LCN9: variants seen among roughly 807,000 people sequenced by gnomAD.
LCN9 encodes lipocalin 9, also known as epididymal-specific lipocalin-9.
A neutral mutation model predicts 18.5 loss-of-function variants in LCN9; 22 were observed. The ratio of observed to expected loss-of-function variants is 1.19; its 90% CI spans 0.85 to 1.70. LCN9 has a LOEUF of 1.70. Among genes scored for constraint, LCN9 ranks in the 40% most tolerant of loss-of-function variants. The pLI, the probability that LCN9 is intolerant of heterozygous loss-of-function variation, is 0.00. For missense variants in LCN9, 202 were observed against 201.3 expected (o/e 1.00, Z -0.02); for synonymous variants, 89 against 83.0 (o/e 1.07, Z -0.39).
In LCN9 at chr9:135,664,665, A is replaced by G; in HGVS notation, c.234-57A>G. 2 of 1,458,570 alleles carry G rather than the reference A, an allele frequency of 1.4e-6. No homozygotes were observed. Among genetic ancestry groups the G allele is most frequent in the Non-Finnish European group, 1.8e-6 (2 of 1,081,300 alleles). 90.4% of individuals were successfully genotyped at this position (1,458,570 alleles called of 1,614,324 possible). A position where few individuals can be genotyped will look rare whatever the true frequency, so the allele number is the denominator to read the frequency against. On this transcript the variant is annotated intron_variant, in intron 2 of 5. Transcript: ENST00000619315. The surrounding 1 kb of genome is among the most constrained non-coding windows in gnomAD (Gnocchi z 4.5). ...CCCTGGAGGAGGGGTGCTCTCTGCCATCGCACGTCCAGGGGGCTGGAGCTC... is the reference window on the plus strand; with the variant it reads ...CCCTGGAGGAGGGGTGCTCTCTGCCGTCGCACGTCCAGGGGGCTGGAGCTC...
Position 135,665,813 on chromosome 9 carries a change from C to T in LCN9, c.*10-48C>T, listed in dbSNP as rs1220345747. On this transcript the variant is annotated intron_variant, in intron 5 of 5. Coordinates refer to ENST00000619315, the Ensembl canonical transcript of LCN9. This position sits in a 1 kb window ranked among gnomAD's most constrained non-coding sequence, Gnocchi z 5.9. The stretch of plus-strand genomic sequence containing the variant: ...GGACAGGGTGGGGATGGGAGGTGTG[C>T]CTGCGGGGTCCCTGTCCCTGCGCTG... 1.2e-6 allele frequency: 2 copies of T among 1,611,730 alleles called. No homozygotes were observed. The highest frequency in any genetic ancestry group is 1.1e-5 in the South Asian group (1 of 90,600).
chr9:135,664,299 G>A lies in LCN9; in HGVS notation c.233+1G>A. 1 of 1,613,798 alleles carries A rather than the reference G, an allele frequency of 6.2e-7. No individual in the cohort carries two copies. Among genetic ancestry groups the A allele is most frequent in the Non-Finnish European group, 8.5e-7 (1 of 1,179,808 alleles). On this transcript the variant is annotated splice_donor_variant, in intron 2 of 5. Transcript: ENST00000619315. LOFTEE classifies it high-confidence loss of function. The surrounding 1 kb of genome is among the most constrained non-coding windows in gnomAD (Gnocchi z 4.5). ...GCCTAATATTTGATTTCGAATACAT[G>A]TGCGTGTTGCCCATCTCAGCTGGCA...
Position 135,665,954 on chromosome 9 carries a change from T to C in LCN9, c.*103T>C, listed in dbSNP as rs1036215821. 1.2e-6 allele frequency: 2 copies of C among 1,602,592 alleles called. No homozygotes were observed. The highest frequency in any genetic ancestry group is 2.7e-5 in the African/African-American group (2 of 74,826). On this transcript the variant is annotated 3_prime_UTR_variant, in exon 6 of 6. Coordinates refer to ENST00000619315, the Ensembl canonical transcript of LCN9. This position sits in a 1 kb window ranked among gnomAD's most constrained non-coding sequence, Gnocchi z 5.9. The stretch of plus-strand genomic sequence containing the variant: ...GGCAGGGGGCTGGATGGGGAGAGCT[T>C]GGGGCCAACGTCAGAGGCTGCGGGG...
Position 135,665,650 on chromosome 9 carries a change from G to T in LCN9, c.419-38G>T. 1 of 1,591,200 alleles carries T rather than the reference G, an allele frequency of 6.3e-7. No individual in the cohort carries two copies. Among genetic ancestry groups the T allele is most frequent in the Non-Finnish European group, 8.6e-7 (1 of 1,166,130 alleles). On this transcript the variant is annotated intron_variant, in intron 4 of 5. Coordinates refer to ENST00000619315, the Ensembl canonical transcript of LCN9. The surrounding 1 kb of genome is among the most constrained non-coding windows in gnomAD (Gnocchi z 5.9). ...TCACACAGAACCAACTCTGTTCCCA[G>T]CACGGGTCCCATAGCTGGAACCCTC...
Position 135,664,072 on chromosome 9 carries a change from G to A in LCN9, c.97-90G>A. The A allele has an allele frequency of 1.4e-6, 2 of 1,427,852 alleles. No homozygotes were observed. The highest frequency in any genetic ancestry group is 2.4e-5 in the East Asian group (1 of 41,054). The allele number at this position is 1,427,852 out of a possible 1,614,324, so 88.4% of individuals were successfully genotyped here. ...TTCTGGTTGGGAGCCAGATGCTAAG[G>A]GGCCGGGCCCTGGGAGGGAAGACTG... On this transcript the variant is annotated intron_variant, in intron 1 of 5. Coordinates refer to ENST00000619315, the Ensembl canonical transcript of LCN9. The surrounding 1 kb of genome is among the most constrained non-coding windows in gnomAD (Gnocchi z 4.5).
exon 6 of LCN9, chr9:135,666,186 G>A: frequency 1.3e-6 from 2 of 1,539,356 alleles, no homozygotes; most frequent in Non-Finnish European, 1.7e-6. Context: ...GGACAACCAG[G>A]ATTTACTTTC....
chr9:135,665,950 A>G lies in LCN9; in HGVS notation c.*99A>G, dbSNP rs867905243. 1 of 1,603,110 alleles carries G rather than the reference A, an allele frequency of 6.2e-7. No homozygotes were observed. Among genetic ancestry groups the G allele is most frequent in the African/African-American group, 1.3e-5 (1 of 74,902 alleles). On this transcript the variant is annotated 3_prime_UTR_variant, in exon 6 of 6. Coordinates refer to ENST00000619315, the Ensembl canonical transcript of LCN9. The surrounding 1 kb of genome is among the most constrained non-coding windows in gnomAD (Gnocchi z 5.9). The stretch of plus-strand genomic sequence containing the variant: ...GACGGGCAGGGGGCTGGATGGGGAG[A>G]GCTTGGGGCCAACGTCAGAGGCTGC...
At position 135,664,406 on chromosome 9, in the gene LCN9, T is replaced by A; in HGVS notation, c.233+108T>A. 7.1e-7 allele frequency: 1 copy of A among 1,410,876 alleles called. No individual in the cohort carries two copies. Among genetic ancestry groups the A allele is most frequent in the Non-Finnish European group, 9.8e-7 (1 of 1,016,876 alleles). The allele number at this position is 1,410,876 out of a possible 1,614,324, so 87.4% of individuals were successfully genotyped here. On this transcript the variant is annotated intron_variant, in intron 2 of 5. Transcript: ENST00000619315. This position sits in a 1 kb window ranked among gnomAD's most constrained non-coding sequence, Gnocchi z 4.5. ...CGCTCGCACACTCACTGACTTGCAC[T>A]CTGGTGAGAGCCTGAGCCTGTGCGT...
chr9:135,663,407 A>T, exon 1 of LCN9: 2 of 1,613,824 alleles, frequency 1.2e-6, no homozygotes, highest in Non-Finnish European at 8.5e-7. Context: ...AGGAACTACA[A>T]CGTGGCCAGG....
chr9:135,665,588 C>A lies in LCN9; in HGVS notation c.419-100C>A. On this transcript the variant is annotated intron_variant, in intron 4 of 5. Coordinates refer to ENST00000619315, the Ensembl canonical transcript of LCN9. This position sits in a 1 kb window ranked among gnomAD's most constrained non-coding sequence, Gnocchi z 5.9. ...GTCAGGGCGTGACCCCCTGCCCAGC[C>A]TCAGCACTTCCTGAGCACCCCCAGC... 1 of 1,224,572 alleles carries A rather than the reference C, an allele frequency of 8.2e-7. No individual in the cohort carries two copies. Among genetic ancestry groups the A allele is most frequent in the Non-Finnish European group, 1.2e-6 (1 of 856,880 alleles). 75.9% of individuals were successfully genotyped at this position (1,224,572 alleles called of 1,614,324 possible).
Position 135,665,917 on chromosome 9 carries a change from C to A in LCN9, c.*66C>A. 3.1e-6 allele frequency: 5 copies of A among 1,609,870 alleles called. No homozygotes were observed. The highest frequency in any genetic ancestry group is 4.2e-6 in the Non-Finnish European group (5 of 1,178,864). On this transcript the variant is annotated 3_prime_UTR_variant, in exon 6 of 6. Transcript: ENST00000619315. This position sits in a 1 kb window ranked among gnomAD's most constrained non-coding sequence, Gnocchi z 5.9. The stretch of plus-strand genomic sequence containing the variant: ...GCCCAGGCCTCCCATGCGTGAGCTG[C>A]GACTCGGGACGGGCAGGGGGCTGGA...
At position 135,665,458 on chromosome 9, in the gene LCN9, G is replaced by C. The variant is rs1244527331; in HGVS notation, c.418+103G>C. ...GGTCTCGCAGTGGCCCTGGGGTTTG[G>C]AGAGGTGGTTCCCGTTGGCTATTCC... On this transcript the variant is annotated intron_variant, in intron 4 of 5. Coordinates refer to ENST00000619315, the Ensembl canonical transcript of LCN9. The surrounding 1 kb of genome is among the most constrained non-coding windows in gnomAD (Gnocchi z 5.9). 2.3e-5 allele frequency: 23 copies of C among 1,017,344 alleles called. No individual in the cohort carries two copies. The highest frequency in any genetic ancestry group is 2.0e-5 in the Admixed American group (1 of 49,230). 63.0% of individuals were successfully genotyped at this position (1,017,344 alleles called of 1,614,324 possible). A position where few individuals can be genotyped will look rare whatever the true frequency, so the allele number is the denominator to read the frequency against.
At position 135,665,908 on chromosome 9, in the gene LCN9, C is replaced by A. The variant is rs763098064; in HGVS notation, c.*57C>A. ...CAGGAGCCCGCCCAGGCCTCCCATG[C>A]GTGAGCTGCGACTCGGGACGGGCAG... On this transcript the variant is annotated 3_prime_UTR_variant, in exon 6 of 6. Transcript: ENST00000619315. This position sits in a 1 kb window ranked among gnomAD's most constrained non-coding sequence, Gnocchi z 5.9. The A allele has an allele frequency of 6.8e-6, 11 of 1,611,324 alleles. No homozygotes were observed. Among genetic ancestry groups the A allele is most frequent in the Non-Finnish European group, 7.6e-6 (9 of 1,179,236 alleles).
chr9:135,664,065 T>C lies in LCN9; in HGVS notation c.97-97T>C. ...GGAGGGGTTCTGGTTGGGAGCCAGATGCTAAGGGGCCGGGCCCTGGGAGGG... is the reference window on the plus strand; with the variant it reads ...GGAGGGGTTCTGGTTGGGAGCCAGACGCTAAGGGGCCGGGCCCTGGGAGGG... On this transcript the variant is annotated intron_variant, in intron 1 of 5. Coordinates refer to ENST00000619315, the Ensembl canonical transcript of LCN9. The surrounding 1 kb of genome is among the most constrained non-coding windows in gnomAD (Gnocchi z 4.5). The C allele has an allele frequency of 7.4e-7, 1 of 1,357,938 alleles. No homozygotes were observed. The allele number at this position is 1,357,938 out of a possible 1,614,324, so 84.1% of individuals were successfully genotyped here. A position where few individuals can be genotyped will look rare whatever the true frequency, so the allele number is the denominator to read the frequency against.
Position 135,665,799 on chromosome 9 carries a change from G to C in LCN9, c.*9+47G>C. 2 of 1,612,150 alleles carry C rather than the reference G, an allele frequency of 1.2e-6. No individual in the cohort carries two copies. The highest frequency in any genetic ancestry group is 1.7e-6 in the Non-Finnish European group (2 of 1,179,142). On this transcript the variant is annotated intron_variant, in intron 5 of 5. Transcript: ENST00000619315. The surrounding 1 kb of genome is among the most constrained non-coding windows in gnomAD (Gnocchi z 5.9). ...CCAAGCGGGAGCCGGGACAGGGTGG[G>C]GATGGGAGGTGTGCCTGCGGGGTCC...
Position 135,665,856 on chromosome 9 carries a change from T to G in LCN9, c.*10-5T>G. Reference sequence around the variant, plus strand: ...CTGCGCTGAGAGCCCCCTCTGTCCTTCCAGATCCCTGCTACTCCAAGCATT... The same window carrying G: ...CTGCGCTGAGAGCCCCCTCTGTCCTGCCAGATCCCTGCTACTCCAAGCATT... On this transcript the variant is annotated splice_polypyrimidine_tract_variant and splice_region_variant and intron_variant, in intron 5 of 5. Transcript: ENST00000619315. This position sits in a 1 kb window ranked among gnomAD's most constrained non-coding sequence, Gnocchi z 5.9. 1 of 1,612,904 alleles carries G rather than the reference T, an allele frequency of 6.2e-7. No individual in the cohort carries two copies. The highest frequency in any genetic ancestry group is 8.5e-7 in the Non-Finnish European group (1 of 1,179,486).
At position 135,665,373 on chromosome 9, in the gene LCN9, C is replaced by T; in HGVS notation, c.418+18C>T. On this transcript the variant is annotated intron_variant, in intron 4 of 5. Coordinates refer to ENST00000619315, the Ensembl canonical transcript of LCN9. This position sits in a 1 kb window ranked among gnomAD's most constrained non-coding sequence, Gnocchi z 5.9. ...GCTCTATGGTACCTCCGCTGTCCCC[C>T]TCTGACCCCCTCGGGGACCCCACCT... is the stretch of plus-strand genomic sequence containing the variant. 1 of 1,558,116 alleles carries T rather than the reference C, an allele frequency of 6.4e-7. No individual in the cohort carries two copies. Among genetic ancestry groups the T allele is most frequent in the Non-Finnish European group, 8.7e-7 (1 of 1,147,218 alleles).
chr9:135,664,845 C>T lies in LCN9; in HGVS notation c.307+50C>T, dbSNP rs1451890462. 2 of 1,521,132 alleles carry T rather than the reference C, an allele frequency of 1.3e-6. No homozygotes were observed. The highest frequency in any genetic ancestry group is 2.8e-5 in the African/African-American group (2 of 72,184). 94.2% of individuals were successfully genotyped at this position (1,521,132 alleles called of 1,614,324 possible). A position where few individuals can be genotyped will look rare whatever the true frequency, so the allele number is the denominator to read the frequency against. Reference sequence around the variant, plus strand: ...GGTCTCACAGTCGGGGGTCTCCTTTCTCCAGGGCCTGGGCCATATTCTGGT... The same window carrying T: ...GGTCTCACAGTCGGGGGTCTCCTTTTTCCAGGGCCTGGGCCATATTCTGGT... On this transcript the variant is annotated intron_variant, in intron 3 of 5. Coordinates refer to ENST00000619315, the Ensembl canonical transcript of LCN9. This position sits in a 1 kb window ranked among gnomAD's most constrained non-coding sequence, Gnocchi z 4.5.
Position 135,663,381 on chromosome 9 carries a change from C to G in LCN9, c.60C>G (p.Pro20=), listed in dbSNP as rs1416658912. 3.1e-6 allele frequency: 5 copies of G among 1,613,938 alleles called. No individual in the cohort carries two copies. The South Asian group carries it at 5.5e-5, about 18-fold the overall frequency. Reference sequence around the variant, plus strand: ...TCATCGCAGCCCAGGAGTTCGATCCCCACACCGTTATGCAGAGGAACTACA... The same window carrying G: ...TCATCGCAGCCCAGGAGTTCGATCCGCACACCGTTATGCAGAGGAACTACA... Residue 20 remains proline, a synonymous_variant, in exon 1 of 6, where the codon CCC becomes CCG. Coordinates refer to ENST00000619315, the Ensembl canonical transcript of LCN9.
Sources: gnomAD v4.1 joint callset for allele counts on GRCh38, gnomAD v4.1.1 for gene constraint, Gnocchi (gnomAD v3.1) non-coding constraint, MANE v1.5 for transcripts, NCBI Gene and HGNC (gene_info 2026-07-23, HGNC 2026-07-21) for gene names.